METTL22: variants seen among roughly 807,000 people sequenced by gnomAD.
The protein encoded by METTL22 is methyltransferase 22, Kin17 lysine.
Under a neutral mutation model 48.4 loss-of-function variants are expected in METTL22, and 51 were observed. The observed-to-expected ratio is 1.05, with a 90% confidence interval of 0.84 to 1.33. METTL22 has a LOEUF of 1.33. Ranked by LOEUF, METTL22 falls within the 40% of genes most tolerant of loss-of-function variation. METTL22 has a pLI of 0.00. For synonymous variants in METTL22, 255 were observed against 214.1 expected (o/e 1.19, Z -1.67); for missense variants, 678 against 526.9 (o/e 1.29, Z -2.81).
chr16:8,634,869 G>A (rs1269742373), intron 3 of METTL22, among the ~76,000 whole-genome samples, 170 bp from the exon 4 acceptor site: 3 of 152,148 alleles, frequency 2.0e-5, no homozygotes, highest in East Asian at 3.9e-4. Flanking sequence ...CTCAAAAGTC[G>A]CCTCCTAACC....
rs979544108 is a variant in METTL22, at chr16:8,646,506, C to G, written c.*363C>G. On this transcript the variant is annotated 3_prime_UTR_variant, in exon 11 of 11. Coordinates refer to ENST00000381920, the MANE Select transcript of METTL22 (RefSeq NM_024109.4). ...CTGTGAGGTGGATTCTTGTACTGCCCTCTGTCAGCTGTTTACAGATGGGTT... is the reference window on the plus strand; with the variant it reads ...CTGTGAGGTGGATTCTTGTACTGCCGTCTGTCAGCTGTTTACAGATGGGTT... The G allele has an allele frequency of 1.9e-6, 1 of 519,926 alleles. No homozygotes were observed. 32.2% of individuals were successfully genotyped at this position (519,926 alleles called of 1,614,324 possible). A position where few individuals can be genotyped will look rare whatever the true frequency, so the allele number is the denominator to read the frequency against.
intron 7 of METTL22, 42 bp downstream of exon 7, chr16:8,641,226 T>C (rs1368879516): frequency 1.2e-6 from 2 of 1,601,792 alleles, no homozygotes; most frequent in East Asian, 4.5e-5. Flanking sequence ...GATTCAGTGA[T>C]TCCTTTGTAA....
the METTL22 span, among the ~76,000 whole-genome samples, chr16:8,657,535 G>A: frequency 1.3e-5 from 2 of 152,070 alleles, no homozygotes; most frequent in African/African-American, 2.4e-5. Flanking sequence ...ATAAAACCAG[G>A]TTCCTTTTCG....
At chr16:8,660,659 T>C in the METTL22 span, among the ~76,000 whole-genome samples, 1 of 151,980 alleles carries the variant, frequency 6.6e-6, no homozygotes, top group Non-Finnish European at 1.5e-5. Context: ...TTGAGAATTA[T>C]AGCCTTGGCA....
the METTL22 span, among the ~76,000 whole-genome samples, chr16:8,661,618 C>A: frequency 9.1e-6 from 1 of 109,976 alleles, no homozygotes; most frequent in African/African-American, 3.7e-5. Context: ...GCACTCCAGC[C>A]TGGGCGACAC....
chr16:8,642,022 C>A (rs1410169314), intron 7 of METTL22, 105 bp from the exon 8 acceptor site: 4 of 876,628 alleles, frequency 4.6e-6, no homozygotes, highest in Non-Finnish European at 3.9e-6. Flanking sequence ...CGAGCTACCC[C>A]CAGCCCTGTT....
Position 8,646,106 on chromosome 16 carries a change from A to C in METTL22, c.1180-2A>C. The C allele has an allele frequency of 6.9e-7, 1 of 1,439,896 alleles. No homozygotes were observed. Among genetic ancestry groups the C allele is most frequent in the South Asian group, 1.2e-5 (1 of 84,352 alleles). The allele number at this position is 1,439,896 out of a possible 1,614,324, so 89.2% of individuals were successfully genotyped here. A position where few individuals can be genotyped will look rare whatever the true frequency, so the allele number is the denominator to read the frequency against. On this transcript the variant is annotated splice_acceptor_variant, in intron 10 of 10. Coordinates refer to ENST00000381920, the MANE Select transcript of METTL22 (RefSeq NM_024109.4). LOFTEE classifies it high-confidence loss of function. The stretch of plus-strand genomic sequence containing the variant: ...ACCTGTTCTTTTCTCTGTTTGCTGC[A>C]GGAGCTCTGGAAGATCATCGCAGAA...
downstream of METTL22, among the ~76,000 whole-genome samples, chr16:8,652,278 G>T (rs1245802629): frequency 1.3e-5 from 2 of 150,772 alleles, no homozygotes; most frequent in Non-Finnish European, 3.0e-5. Flanking sequence ...GGCCAACATG[G>T]TGAAACCCCA....
At chr16:8,657,843 G>T in the METTL22 span, among the ~76,000 whole-genome samples, 8 of 90,386 alleles carry the variant, frequency 8.9e-5, no homozygotes, top group East Asian at 1.9e-3. Context: ...TTGAGACAAG[G>T]TTTCTCTCTG....
chr16:8,654,708 G>A, the METTL22 span, among the ~76,000 whole-genome samples: 5 of 152,156 alleles, frequency 3.3e-5, no homozygotes, highest in African/African-American at 1.2e-4. Context: ...CATCCCTTGG[G>A]TGGGTCTGGG....
chr16:8,638,957 G>C, intron 5 of METTL22, 134 bp from the exon 6 acceptor site: 1 of 820,642 alleles, frequency 1.2e-6, no homozygotes, highest in Non-Finnish European at 2.0e-6. Context: ...AATTTTGGCA[G>C]TAAGACACAT....
At chr16:8,629,364 C>T (rs189511977) in intron 3 of METTL22, among the ~76,000 whole-genome samples, 16 of 152,202 alleles carry the variant, frequency 1.1e-4, no homozygotes, top group Admixed American at 1.0e-3. Flanking sequence ...CCAGCCTCTG[C>T]TCCCTTAACA....
chr16:8,644,418 C>G (rs2056718711), intron 9 of METTL22, 139 bp from the exon 10 acceptor site: 2 of 796,796 alleles, frequency 2.5e-6, no homozygotes, highest in Non-Finnish European at 4.0e-6. Context: ...CTCACACACT[C>G]AGCATGAGAC....
chr16:8,625,877 T>C (rs2056032753), intron 2 of METTL22, 79 bp downstream of exon 2: 5 of 1,551,802 alleles, frequency 3.2e-6, no homozygotes, highest in South Asian at 2.3e-5. Context: ...GGGGAAAATA[T>C]TGGGAAGACT....
chr16:8,644,585 G>A lies in METTL22; in HGVS notation c.1039G>A (p.Val347Ile), dbSNP rs577807779. 2.0e-5 allele frequency: 31 copies of A among 1,580,360 alleles called. 1 individual carries two copies. In the East Asian group the frequency reaches 3.5e-4, roughly 18 times the overall value. ...CAACTTCACATTGAGACACTTGGAC[G>A]TCACATGTGAAGCCTACGATCACTT... The part of the protein sequence containing the change: ...RLNFTLRHLD[V>I]TCEAYDHFRS... Residue 347 changes from valine (V) to isoleucine (I), a missense_variant, in exon 10 of 11, where the codon GTC (valine) becomes ATC (isoleucine). By Grantham distance (29) the Val-to-Ile change is conservative. Coordinates refer to ENST00000381920, the MANE Select transcript of METTL22 (RefSeq NM_024109.4).
intron 3 of METTL22, among the ~76,000 whole-genome samples, chr16:8,632,834 GT>G (rs1443778218): frequency 3.3e-5 from 5 of 152,194 alleles, no homozygotes; most frequent in African/African-American, 1.2e-4. Flanking sequence ...TGACCTCAGA[GT>G]CCTCATTCTC....
chr16:8,644,253 G>T (rs62030899), intron 9 of METTL22, among the ~76,000 whole-genome samples: 3 of 152,194 alleles, frequency 2.0e-5, no homozygotes, highest in African/African-American at 7.2e-5. Context: ...GACCTGGAGG[G>T]CGTCCTCAAG....
At chr16:8,654,105 A>G (rs530414731), downstream of METTL22, among the ~76,000 whole-genome samples, 1 of 152,350 alleles carries the variant, frequency 6.6e-6, no homozygotes. Flanking sequence ...TAAACATTTT[A>G]GATACATTAG....
Position 8,642,515 on chromosome 16 carries a change from C to G in METTL22, c.960C>G (p.Leu320=), listed in dbSNP as rs753934008. The G allele has an allele frequency of 6.2e-7, 1 of 1,614,110 alleles. No homozygotes were observed. The highest frequency in any genetic ancestry group is 1.3e-5 in the African/African-American group (1 of 74,946). Residue 320 remains leucine (L), a synonymous_variant, in exon 9 of 11, where the codon CTC becomes CTG. Transcript: ENST00000381920. Reference sequence around the variant, plus strand: ...CTGTGTTTAAAACGCTCTCCCGACTCGCCCACAGATTGAAAAATGCCTGCA... The same window carrying G: ...CTGTGTTTAAAACGCTCTCCCGACTGGCCCACAGATTGAAAAATGCCTGCA... ...TDAVFKTLSR[L]AHRLKNACTA...
Sources: allele counts gnomAD v4.1 joint callset (sites outside exome capture counted in the v4.1 genomes callset), GRCh38; gene constraint gnomAD v4.1.1; transcripts MANE v1.5; gene names NCBI Gene and HGNC (gene_info 2026-07-23, HGNC 2026-07-21).